RAD51B: variants seen among roughly 807,000 people sequenced by gnomAD.
RAD51B encodes RAD51 paralog B.
Under a neutral mutation model 42.2 loss-of-function variants are expected in RAD51B, and 38 were observed. The observed-to-expected ratio is 0.90, with a 90% confidence interval of 0.70 to 1.18. The LOEUF (loss-of-function observed/expected upper bound fraction) is 1.18, where lower values mean the gene tolerates loss of function less well. RAD51B is among the 50% of genes most tolerant of loss of function. The pLI is 0.00. For synonymous variants in RAD51B, 154 were observed against 145.2 expected (o/e 1.06, Z -0.43); for missense variants, 373 against 400.7 (o/e 0.93, Z 0.59).
chr14:68,468,965 A>G (rs1010996691), intron 10 of RAD51B: 9 of 294,236 alleles, frequency 3.1e-5, no homozygotes, highest in Admixed American at 6.6e-5. Context: ...AAAGCAATTA[A>G]CATGAAGGGG....
chr14:68,118,807 A>C (rs1264845757), intron 7 of RAD51B, among the ~76,000 whole-genome samples: 1 of 147,344 alleles, frequency 6.8e-6, no homozygotes, highest in Non-Finnish European at 1.5e-5. Context: ...GTGTGTGCAC[A>C]TGTGTGTGTG....
intron 10 of RAD51B, among the ~76,000 whole-genome samples, chr14:68,557,720 G>A (rs897266226): frequency 1.1e-4 from 17 of 152,196 alleles, no homozygotes; most frequent in African/African-American, 3.9e-4. Flanking sequence ...CAGTGGCCTC[G>A]AAAATTTAAT....
At chr14:68,120,629 A>T (rs1273697811) in intron 7 of RAD51B, among the ~76,000 whole-genome samples, 3 of 152,116 alleles carry the variant, frequency 2.0e-5, no homozygotes, top group Non-Finnish European at 2.9e-5. Context: ...CTTCTGCTTC[A>T]AGGTGGGTTT....
At chr14:68,551,958 C>T (rs951293464) in intron 10 of RAD51B, among the ~76,000 whole-genome samples, 4 of 152,206 alleles carry the variant, frequency 2.6e-5, no homozygotes, top group Non-Finnish European at 4.4e-5. Context: ...CTCATGAAGA[C>T]AGGGACCACG....
Position 68,527,313 on chromosome 14 carries a change from C to T in RAD51B, c.1036+59063C>T, listed in dbSNP as rs1043005408. ...CAGCTGCCTGAACTAACCTGGGAGC[C>T]TAGACAGTTTAGCTTCTTGACCTCT... On this transcript the variant is annotated intron_variant, in intron 10 of 10. Coordinates refer to the RAD51B transcript ENST00000487270. Among the ~76,000 whole-genome samples the T allele has an allele frequency of 4.3e-4, 65 of 152,162 alleles. 1 individual carries two copies. Among genetic ancestry groups the T allele is most frequent in the Non-Finnish European group, 1.9e-4 (13 of 68,034 alleles).
At chr14:68,068,929 A>G (rs1375175445) in intron 7 of RAD51B, among the ~76,000 whole-genome samples, 1 of 152,142 alleles carries the variant, frequency 6.6e-6, no homozygotes, top group Non-Finnish European at 1.5e-5. Flanking sequence ...ACACTTCTCG[A>G]TTATTGCAAG....
At chr14:68,594,801 G>C (rs533075208) in exon 11 of RAD51B, 1 of 1,235,682 alleles carries the variant, frequency 8.1e-7, no homozygotes, top group South Asian at 1.7e-5. Context: ...AATGAGAAAG[G>C]GGGCAATGGA....
chr14:68,148,794 G>T (rs1344197452), intron 7 of RAD51B, among the ~76,000 whole-genome samples: 1 of 152,140 alleles, frequency 6.6e-6, no homozygotes, highest in Non-Finnish European at 1.5e-5. Context: ...TATAACATAG[G>T]CTTTGCATTA....
In RAD51B at chr14:68,287,860, G is replaced by A. The variant is rs115973937; in HGVS notation, c.757-4024G>A. ...GTACTGTGCTAAGGACTACCTGTGC[G>A]TTATCCAGCTGAATCCTCAGAACCA... is the stretch of plus-strand genomic sequence containing the variant. On this transcript the variant is annotated intron_variant, in intron 7 of 10. Coordinates refer to ENST00000471583, the MANE Select transcript of RAD51B (RefSeq NM_133510.4). Among the ~76,000 whole-genome samples the A allele has an allele frequency of 1.6e-4, 24 of 152,278 alleles. 1 individual carries two copies. The highest frequency in any genetic ancestry group is 1.0e-3 in the South Asian group (5 of 4,832).
At chr14:68,335,480 A>T (rs1355854984) in intron 8 of RAD51B, among the ~76,000 whole-genome samples, 2 of 152,128 alleles carry the variant, frequency 1.3e-5, no homozygotes, top group Non-Finnish European at 2.9e-5. Context: ...TGCAGTCCCT[A>T]AACAGTCTTT....
chr14:67,835,161 C>G lies in RAD51B; in HGVS notation c.280C>G (p.Leu94Val), dbSNP rs2041191442. ...STTLSALDEALHGGVACGSLT... is the reference protein window; with the variant it reads ...STTLSALDEAVHGGVACGSLT... ...TACCCTTTCTGCTTTGGACGAAGCC[C>G]TGCATGGTGGTGTGGCTTGTGGATC... Residue 94 changes from leucine to valine, a missense_variant, in exon 4 of 11, where the codon CTG becomes GTG. Leu to Val is a conservative substitution (Grantham distance 32, BLOSUM62 1). Transcript: ENST00000471583. 11 of 1,614,038 alleles carry G rather than the reference C, an allele frequency of 6.8e-6. No homozygotes were observed. Among genetic ancestry groups the G allele is most frequent in the Non-Finnish European group, 9.3e-6 (11 of 1,179,928 alleles).
intron 10 of RAD51B, among the ~76,000 whole-genome samples, chr14:68,518,456 C>T (rs998940456): frequency 5.3e-5 from 8 of 152,008 alleles, no homozygotes; most frequent in Non-Finnish European, 1.0e-4. Flanking sequence ...TTCGCCTAGT[C>T]GGGGGGCGGG....
chr14:68,242,687 T>C (rs537800780), intron 7 of RAD51B, among the ~76,000 whole-genome samples: 2 of 152,350 alleles, frequency 1.3e-5, no homozygotes, highest in South Asian at 4.1e-4. Context: ...ACTGAGCCCT[T>C]CCTAGGTGCT....
intron 4 of RAD51B, among the ~76,000 whole-genome samples, chr14:67,855,427 C>T (rs1425096097): frequency 2.7e-5 from 4 of 147,096 alleles, no homozygotes; most frequent in Non-Finnish European, 6.0e-5. Context: ...TTAGTAGAGA[C>T]GGGGTTTCAC....
At chr14:68,101,971 C>T (rs1400476352) in intron 7 of RAD51B, among the ~76,000 whole-genome samples, 1 of 152,188 alleles carries the variant, frequency 6.6e-6, no homozygotes, top group Non-Finnish European at 1.5e-5. Flanking sequence ...TCCCAAACCC[C>T]AATTCTTGTC....
At chr14:68,440,037 C>A (rs35135952) in intron 9 of RAD51B, among the ~76,000 whole-genome samples, 1 of 152,190 alleles carries the variant, frequency 6.6e-6, no homozygotes, top group Non-Finnish European at 1.5e-5. Context: ...GATTATTAAG[C>A]GGTTAGTGAT....
At chr14:68,153,355 T>C (rs536824605) in intron 7 of RAD51B, among the ~76,000 whole-genome samples, 1 of 152,316 alleles carries the variant, frequency 6.6e-6, no homozygotes, top group East Asian at 1.9e-4. Flanking sequence ...GATCTTTCCT[T>C]TGTACACATT....
intron 7 of RAD51B, among the ~76,000 whole-genome samples, chr14:67,904,126 G>GTA (rs2043701955): frequency 6.6e-6 from 1 of 152,128 alleles, no homozygotes; most frequent in South Asian, 2.1e-4. Flanking sequence ...TGGTATATAT[G>GTA]TACCACATTT....
intron 8 of RAD51B, among the ~76,000 whole-genome samples, chr14:68,299,448 A>G (rs548518020): frequency 2.6e-5 from 4 of 152,290 alleles, no homozygotes; most frequent in East Asian, 1.9e-4. Context: ...AACTATCTAC[A>G]TAGCATTTAC....
Sources: gnomAD v4.1 joint callset for allele counts (sites outside exome capture counted in the v4.1 genomes callset) on GRCh38, gnomAD v4.1.1 for gene constraint, MANE v1.5 for transcripts, NCBI Gene and HGNC (gene_info 2026-07-23, HGNC 2026-07-21) for gene names.